TMEM222: variants seen among roughly 807,000 people sequenced by gnomAD.
TMEM222 encodes the protein chromosome 1 open reading frame 160.
Under a neutral mutation model 25.1 loss-of-function variants are expected in TMEM222, and 18 were observed. The ratio of observed to expected loss-of-function variants is 0.72; its 90% CI spans 0.50 to 1.06. The LOEUF is 1.06. TMEM222 is among the 50% of genes least tolerant of loss of function. The pLI, the probability that TMEM222 is intolerant of heterozygous loss-of-function variation, is 0.00. For missense variants in TMEM222, 296 were observed against 293.7 expected, an observed-to-expected ratio of 1.01 and a Z score of -0.06; for synonymous variants, 131 against 117.9, an observed-to-expected ratio of 1.11 and a Z score of -0.72.
At chr1:27,324,109 T>G (rs1488191477) in intron 1 of TMEM222, among the ~76,000 whole-genome samples, 2 of 152,190 alleles carry the variant, frequency 1.3e-5, no homozygotes, top group Non-Finnish European at 2.9e-5. Flanking sequence ...GCGAATCACC[T>G]GAGGTCAGGA....
intron 5 of TMEM222, chr1:27,334,643 C>T: frequency 1.4e-6 from 2 of 1,434,834 alleles, no homozygotes; most frequent in Non-Finnish European, 1.9e-6. Context: ...GCAGATAGAT[C>T]CTCTCATAAT....
intron 1 of TMEM222, among the ~76,000 whole-genome samples, chr1:27,324,313 A>G (rs1253084647): frequency 6.6e-6 from 1 of 152,244 alleles, no homozygotes; most frequent in Non-Finnish European, 1.5e-5. Context: ...AACAAGAGCA[A>G]AACTCCGTTT....
At chr1:27,323,001 T>G (rs1474096610) in intron 1 of TMEM222, among the ~76,000 whole-genome samples, 3 of 152,200 alleles carry the variant, frequency 2.0e-5, no homozygotes, top group Non-Finnish European at 4.4e-5. Flanking sequence ...TGGTACTACT[T>G]GGCGCCTTTT....
At position 27,330,805 on chromosome 1, in the gene TMEM222, G is replaced by A. The variant is rs1325624096; in HGVS notation, c.279+1G>A. ...CTTCGCGGGCCCCTACTTTGTCTCA[G>A]TGAGTCCCCATTCTGCCCACCCGGG... is the stretch of plus-strand genomic sequence containing the variant. On this transcript the variant is annotated splice_donor_variant, in intron 2 of 5. Coordinates refer to ENST00000374076, the MANE Select transcript of TMEM222 (RefSeq NM_032125.3). LOFTEE classifies it high-confidence loss of function. 3 of 1,614,144 alleles carry A rather than the reference G, an allele frequency of 1.9e-6. No individual in the cohort carries two copies. Among genetic ancestry groups the A allele is most frequent in the Non-Finnish European group, 1.7e-6 (2 of 1,180,010 alleles).
chr1:27,332,217 C>T lies in TMEM222; in HGVS notation c.311+116C>T, dbSNP rs368954087. ...ACCCTGAGAATAGAGTATTTGGGGT[C>T]GGGGGAGAGGTCAGCCAGGGTCCAC... On this transcript the variant is annotated intron_variant, in intron 3 of 5. Transcript: ENST00000374076. 4.6e-5 allele frequency: 60 copies of T among 1,295,898 alleles called. No individual in the cohort carries two copies. In the African/African-American group the frequency reaches 5.5e-4, roughly 12 times the overall value. 80.3% of individuals were successfully genotyped at this position (1,295,898 alleles called of 1,614,324 possible).
At chr1:27,328,803 C>T (rs966538226) in intron 1 of TMEM222, among the ~76,000 whole-genome samples, 1 of 152,200 alleles carries the variant, frequency 6.6e-6, no homozygotes, top group African/African-American at 2.4e-5. Context: ...TCCACCCCAG[C>T]CCCCTGTAAC....
chr1:27,331,183 G>A, intron 2 of TMEM222: 1 of 1,108,002 alleles, frequency 9.0e-7, no homozygotes, highest in Non-Finnish European at 1.1e-6. Flanking sequence ...TCGGTTCCCT[G>A]GGTGTGGCCA....
chr1:27,335,432 T>C lies in TMEM222; in HGVS notation c.593T>C (p.Ile198Thr). ...CCCTTCATCCTTCTCCTGGGCATCA[T>C]CCTCACCGTCAGCCTGGTCTTTAAC... ...WLPFILLLGI[I>T]LTVSLVFNLR The change falls in exon 6 of 6, where the codon ATC becomes ACC. Residue 198 changes from isoleucine (I) to threonine (T), a missense_variant. Physicochemically the swap from Ile to Thr is moderately conservative, Grantham distance 89. Transcript: ENST00000374076. 1 of 1,614,178 alleles carries C rather than the reference T, an allele frequency of 6.2e-7. No homozygotes were observed. The highest frequency in any genetic ancestry group is 8.5e-7 in the Non-Finnish European group (1 of 1,180,018).
chr1:27,334,790 T>C, intron 5 of TMEM222: 1 of 1,118,822 alleles, frequency 8.9e-7, no homozygotes, highest in Non-Finnish European at 1.1e-6. Context: ...CAAGCTTTCC[T>C]CTTAGCCACG....
intron 1 of TMEM222, among the ~76,000 whole-genome samples, chr1:27,323,515 C>T (rs997391751): frequency 7.2e-5 from 11 of 152,218 alleles, no homozygotes; most frequent in African/African-American, 2.7e-4. Context: ...CGCGGTGGCT[C>T]ATGCCTGTAA....
At chr1:27,334,108 C>T in intron 4 of TMEM222, 43 bp from the exon 5 acceptor site, 1 of 1,613,920 alleles carries the variant, frequency 6.2e-7, no homozygotes, top group East Asian at 2.2e-5. Context: ...AGGGGGGAGG[C>T]TCCCCTGCAG....
chr1:27,333,689 TAAG>T (rs2014536164), intron 3 of TMEM222: 8 of 503,684 alleles, frequency 1.6e-5, no homozygotes, highest in Middle Eastern at 5.4e-4. Flanking sequence ...CCTTGAGGGT[TAAG>T]ATTTCAACAT....
intron 1 of TMEM222, chr1:27,325,748 G>A (rs976201869): frequency 8.1e-6 from 7 of 868,066 alleles, no homozygotes; most frequent in African/African-American, 1.6e-5. Flanking sequence ...TTAGCAAGCA[G>A]GAGTATGACG....
chr1:27,334,936 A>C, intron 5 of TMEM222: 4 of 562,502 alleles, frequency 7.1e-6, no homozygotes, highest in Non-Finnish European at 9.8e-6. Context: ...GCTTGGCTCC[A>C]GCCACAACAC....
intron 1 of TMEM222, among the ~76,000 whole-genome samples, chr1:27,323,830 C>G (rs2014272087): frequency 6.6e-6 from 1 of 152,210 alleles, no homozygotes; most frequent in Non-Finnish European, 1.5e-5. Context: ...ATTCAGTGTT[C>G]TTCTAACACA....
chr1:27,330,633 C>A, intron 1 of TMEM222, 87 bp from the exon 2 acceptor site: 1 of 1,108,184 alleles, frequency 9.0e-7, no homozygotes, highest in Non-Finnish European at 1.4e-6. Flanking sequence ...TCACATGCTT[C>A]TGTACTGTAT....
chr1:27,327,703 C>T (rs780166804), intron 1 of TMEM222, among the ~76,000 whole-genome samples: 104 of 151,734 alleles, frequency 6.9e-4, no homozygotes, highest in Non-Finnish European at 1.2e-3. Context: ...CTCACTGCAG[C>T]CTCAACTTCC....
chr1:27,332,611 C>T (rs2014508025), intron 3 of TMEM222: 2 of 683,094 alleles, frequency 2.9e-6, no homozygotes, highest in Non-Finnish European at 5.4e-6. Context: ...TCTTTGCAGT[C>T]TCGGGTGCCC....
At chr1:27,330,419 A>G (rs1290918281) in intron 1 of TMEM222, among the ~76,000 whole-genome samples, 1 of 151,438 alleles carries the variant, frequency 6.6e-6, no homozygotes, top group Non-Finnish European at 1.5e-5. Context: ...AGGTAGAAAC[A>G]GTTTATCCCT....
Sources: gnomAD v4.1 joint callset for allele counts (sites outside exome capture counted in the v4.1 genomes callset) on GRCh38, gnomAD v4.1.1 for gene constraint, MANE v1.5 for transcripts, NCBI Gene and HGNC (gene_info 2026-07-23, HGNC 2026-07-21) for gene names.